Variants in PLEKHG1 observed in about 807,000 individuals in gnomAD.
PLEKHG1 encodes pleckstrin homology domain-containing family G member 1.
Under a neutral mutation model 100.8 loss-of-function variants are expected in PLEKHG1, and 44 were observed. The ratio of observed to expected loss-of-function variants is 0.44; its 90% confidence interval spans 0.34 to 0.56. PLEKHG1 has a LOEUF of 0.56. Among genes scored for constraint, PLEKHG1 ranks in the 20% least tolerant of loss-of-function variants. The pLI is 0.01. For synonymous variants in PLEKHG1, 640 were observed against 662.5 expected (o/e 0.97, Z 0.52); for missense variants, 1,545 against 1,720.9 (o/e 0.90, Z 1.81).
intron 10 of PLEKHG1, among the ~76,000 whole-genome samples, chr6:150,815,406 GA>G (rs1255514099): frequency 6.6e-6 from 1 of 152,172 alleles, no homozygotes; most frequent in Non-Finnish European, 1.5e-5. Flanking sequence ...AGATACCAGG[GA>G]ACTTCTTGGA....
At chr6:150,807,869 T>C (rs966527069) in intron 7 of PLEKHG1, among the ~76,000 whole-genome samples, 1 of 152,124 alleles carries the variant, frequency 6.6e-6, no homozygotes, top group Admixed American at 6.6e-5. Flanking sequence ...CTTGAGAGGC[T>C]GAGGCAGGAG....
At chr6:150,787,465 A>G (rs1458513117) in intron 4 of PLEKHG1, among the ~76,000 whole-genome samples, 1 of 152,242 alleles carries the variant, frequency 6.6e-6, no homozygotes, top group Non-Finnish European at 1.5e-5. Context: ...TCTCTTAAAC[A>G]TTCAACCGCT....
intron 10 of PLEKHG1, among the ~76,000 whole-genome samples, chr6:150,810,923 G>GAA (rs112242664): frequency 1.4e-5 from 2 of 141,222 alleles, no homozygotes; most frequent in Non-Finnish European, 1.6e-5. Context: ...CCTGTCTCAA[G>GAA]AAAAAAAAAA....
At chr6:150,730,388 C>T (rs975626428) in intron 1 of PLEKHG1, among the ~76,000 whole-genome samples, 12 of 152,088 alleles carry the variant, frequency 7.9e-5, no homozygotes, top group East Asian at 1.9e-4. Flanking sequence ...GGTTCCACCT[C>T]GGATCATCAG....
At chr6:150,770,118 A>G (rs1429808771) in intron 3 of PLEKHG1, among the ~76,000 whole-genome samples, 1 of 152,204 alleles carries the variant, frequency 6.6e-6, no homozygotes, top group African/African-American at 2.4e-5. Flanking sequence ...GGAAGTACCA[A>G]AATATAAGCC....
At chr6:150,832,729 G>A (rs1029960017) in intron 15 of PLEKHG1, among the ~76,000 whole-genome samples, 1 of 144,392 alleles carries the variant, frequency 6.9e-6, no homozygotes, top group Middle Eastern at 3.8e-3. Context: ...ACCCAGGCTG[G>A]AGTACAGTGA....
At chr6:150,731,947 G>A (rs547306192) in intron 1 of PLEKHG1, among the ~76,000 whole-genome samples, 1 of 145,830 alleles carries the variant, frequency 6.9e-6, no homozygotes, top group Admixed American at 7.0e-5. Context: ...TTTAAATGCT[G>A]TGGGTATTAA....
intron 2 of PLEKHG1, among the ~76,000 whole-genome samples, chr6:150,649,299 T>C (rs955072407): frequency 1.3e-5 from 2 of 152,138 alleles, no homozygotes; most frequent in African/African-American, 4.8e-5. Context: ...TTTTATTAAG[T>C]TTTTTTGTTT....
chr6:150,602,954 A>G (rs916820146), intron 1 of PLEKHG1, among the ~76,000 whole-genome samples: 3 of 151,816 alleles, frequency 2.0e-5, no homozygotes, highest in East Asian at 1.9e-4. Flanking sequence ...GGTGGCGGGC[A>G]CCTGTAGTCC....
chr6:150,706,971 TTTTTC>T (rs200044126), intron 3 of PLEKHG1, among the ~76,000 whole-genome samples: 25,814 of 78,948 alleles, frequency 0.33, 7,096 homozygotes, highest in Middle Eastern at 0.46. Context: ...TCATTTTCTT[TTTTTC>T]TTTTCTTTTC....
intron 15 of PLEKHG1, 85 bp from the exon 17 acceptor site, chr6:150,839,748 G>A (rs186413970): frequency 2.2e-5 from 19 of 866,926 alleles, no homozygotes; most frequent in African/African-American, 3.3e-5. Flanking sequence ...AAAATACGTT[G>A]GTTAGAATGT....
intron 7 of PLEKHG1, among the ~76,000 whole-genome samples, chr6:150,808,191 A>G (rs1787259180): frequency 6.6e-6 from 1 of 152,164 alleles, no homozygotes; most frequent in African/African-American, 2.4e-5. Flanking sequence ...AAATATATAC[A>G]CCTACTGTGT....
intron 1 of PLEKHG1, among the ~76,000 whole-genome samples, chr6:150,606,512 C>A (rs867795771): frequency 1.3e-5 from 2 of 152,182 alleles, no homozygotes; most frequent in Non-Finnish European, 2.9e-5. Flanking sequence ...GCAGGGTTCT[C>A]TTCCAATATT....
exon 7 of PLEKHG1, chr6:150,804,666 T>A: frequency 6.2e-7 from 1 of 1,613,552 alleles, no homozygotes; most frequent in South Asian, 1.1e-5. Context: ...TGCTTGATGC[T>A]ATAGACACAA....
intron 3 of PLEKHG1, among the ~76,000 whole-genome samples, chr6:150,681,999 C>T (rs1268138007): frequency 2.0e-5 from 3 of 152,206 alleles, no homozygotes; most frequent in Non-Finnish European, 4.4e-5. Context: ...CCTATTAACA[C>T]AAAGACTCTG....
chr6:150,741,700 T>C (rs904461259), intron 2 of PLEKHG1, among the ~76,000 whole-genome samples: 1 of 152,230 alleles, frequency 6.6e-6, no homozygotes, highest in Non-Finnish European at 1.5e-5. Context: ...GTGGTTGAGC[T>C]GGAACTGAAA....
intron 2 of PLEKHG1, among the ~76,000 whole-genome samples, chr6:150,767,470 C>T (rs909037098): frequency 3.3e-5 from 5 of 152,094 alleles, no homozygotes; most frequent in African/African-American, 4.8e-5. Context: ...AGCACTAGAA[C>T]GAAACCTAAT....
chr6:150,761,512 C>G (rs1042959739), intron 2 of PLEKHG1, among the ~76,000 whole-genome samples: 1 of 152,096 alleles, frequency 6.6e-6, no homozygotes, highest in Admixed American at 6.5e-5. Flanking sequence ...TCAGGCTGGT[C>G]TCGAACTCCT....
chr6:150,650,995 A>G (rs1414564696), intron 3 of PLEKHG1: 1 of 152,192 alleles, frequency 6.6e-6, no homozygotes, highest in Non-Finnish European at 1.5e-5. Context: ...TACTGACTCT[A>G]TGTGAATTGT....
Sources: allele counts gnomAD v4.1 joint callset (sites outside exome capture counted in the v4.1 genomes callset), GRCh38; gene constraint gnomAD v4.1.1; transcripts MANE v1.5; gene names NCBI Gene and HGNC (gene_info 2026-07-23, HGNC 2026-07-21).